The following TLE2 variants were observed in gnomAD, a reference collection of about 807,000 sequenced individuals.
The protein encoded by TLE2 is TLE family member 2, transcriptional corepressor.
TLE2 carries 74 observed loss-of-function variants against 97.2 expected under a neutral mutation model. That is an observed-to-expected ratio of 0.76 (90% confidence interval 0.63 to 0.92). The LOEUF is 0.92. Ranked by LOEUF, TLE2 falls within the 40% of genes least tolerant of loss-of-function variation. The pLI, the probability that TLE2 is intolerant of heterozygous loss-of-function variation, is 0.00. For synonymous variants in TLE2, 499 were observed against 432.1 expected (o/e 1.15, Z -1.92); for missense variants, 1,038 against 1,008.7 (o/e 1.03, Z -0.39).
chr19:3,028,694 G>T lies in TLE2; in HGVS notation c.122+12C>A, dbSNP rs771706784. 1.9e-6 allele frequency: 3 copies of T among 1,612,188 alleles called. No individual in the cohort carries two copies. In the Admixed American group the frequency reaches 5.0e-5, roughly 27 times the overall value. ...GGTGAACTCCCGCGGCCCCTGGGGC[G>T]GCCCCCCTCACCTGTGGTATTGAGC... On this transcript the variant is annotated intron_variant, in intron 2 of 19. Coordinates refer to ENST00000262953, the MANE Select transcript of TLE2 (RefSeq NM_003260.5).
At chr19:3,023,276 C>T (rs953156) in intron 5 of TLE2, among the ~76,000 whole-genome samples, 66,690 of 151,912 alleles carry the variant, frequency 0.44, 14,879 homozygotes, top group African/African-American at 0.5. Context: ...GACCTCATGA[C>T]CCGCACGCCT....
chr19:3,029,561 G>GGAGT (rs1050241432), upstream of TLE2: 5 of 813,032 alleles, frequency 6.1e-6, no homozygotes, highest in African/African-American at 2.0e-5. Context: ...GTGGGAGCGG[G>GGAGT]GGGGGGGGCT....
At chr19:3,005,296 C>G (rs1052977105) in intron 17 of TLE2, 141 bp downstream of exon 17, 14 of 1,192,364 alleles carry the variant, frequency 1.2e-5, no homozygotes, top group Non-Finnish European at 1.6e-5. Flanking sequence ...GTGGATGTGT[C>G]TGGGGGACAA....
At chr19:3,040,137 C>T (rs1301653181) in intron 1 of TLE2, among the ~76,000 whole-genome samples, 4 of 152,102 alleles carry the variant, frequency 2.6e-5, no homozygotes, top group East Asian at 3.9e-4. Context: ...ACCCACACCA[C>T]GTGTAACCCC....
At chr19:3,044,419 C>T (rs879378906) in intron 1 of TLE2, among the ~76,000 whole-genome samples, 3 of 152,116 alleles carry the variant, frequency 2.0e-5, no homozygotes, top group Non-Finnish European at 4.4e-5. Flanking sequence ...TCACTGGCTT[C>T]TCTGCCCTTT....
At chr19:3,018,017 G>A (rs1011026873) in intron 7 of TLE2, among the ~76,000 whole-genome samples, 158 bp from the exon 8 acceptor site, 2 of 151,648 alleles carry the variant, frequency 1.3e-5, no homozygotes, top group Non-Finnish European at 2.9e-5. Flanking sequence ...GCAAGTGGTG[G>A]ATTATCCCTC....
intron 17 of TLE2, among the ~76,000 whole-genome samples, chr19:3,004,470 T>G (rs2089431115): frequency 6.6e-6 from 1 of 152,002 alleles, no homozygotes; most frequent in Non-Finnish European, 1.5e-5. Flanking sequence ...AAACCCTGTC[T>G]CTACCGACAA....
intron 1 of TLE2, among the ~76,000 whole-genome samples, chr19:3,041,859 C>G (rs2090105552): frequency 1.3e-5 from 2 of 152,166 alleles, no homozygotes; most frequent in Non-Finnish European, 1.5e-5. Context: ...CCAGAGAGGC[C>G]TAGGGACCTG....
intron 17 of TLE2, 98 bp downstream of exon 17, chr19:3,005,338 TG>T: frequency 6.8e-7 from 1 of 1,468,566 alleles, no homozygotes. Flanking sequence ...ATGGGAGTCC[TG>T]TCCTGTCCTG....
At chr19:3,014,645 T>C (rs1244592130) in intron 9 of TLE2, 31 bp from the exon 10 acceptor site, 1 of 1,571,680 alleles carries the variant, frequency 6.4e-7, no homozygotes, top group Non-Finnish European at 8.6e-7. Context: ...GAGCTCATTG[T>C]GGTCATGCCC....
At chr19:3,031,851 A>AC (rs1183290658), upstream of TLE2, among the ~76,000 whole-genome samples, 1 of 150,726 alleles carries the variant, frequency 6.6e-6, no homozygotes, top group Non-Finnish European at 1.5e-5. Context: ...GCTTCTGCCC[A>AC]CCCCGTTATT....
At chr19:3,023,360 C>A (rs1351130790) in intron 5 of TLE2, among the ~76,000 whole-genome samples, 3 of 152,032 alleles carry the variant, frequency 2.0e-5, no homozygotes, top group African/African-American at 7.2e-5. Context: ...GCGGCTCTTG[C>A]CTTTCTCTAG....
upstream of TLE2, among the ~76,000 whole-genome samples, chr19:3,046,308 G>A (rs867263489): frequency 1.3e-5 from 2 of 152,238 alleles, no homozygotes; most frequent in East Asian, 1.9e-4. Flanking sequence ...ACAGAGGGAC[G>A]GAGAAGGCTC....
Position 3,028,700 on chromosome 19 carries a change from C to G in TLE2, c.122+6G>C. ...CTCCCGCGGCCCCTGGGGCGGCCCC[C>G]CTCACCTGTGGTATTGAGCCTGAAG... On this transcript the variant is annotated splice_donor_region_variant and intron_variant, in intron 2 of 19. Transcript: ENST00000262953. The G allele has an allele frequency of 6.2e-7, 1 of 1,612,776 alleles. No homozygotes were observed. Among genetic ancestry groups the G allele is most frequent in the Non-Finnish European group, 8.5e-7 (1 of 1,179,780 alleles).
At chr19:3,009,500 G>A in intron 13 of TLE2, 42 bp downstream of exon 13, 3 of 1,547,250 alleles carry the variant, frequency 1.9e-6, no homozygotes, top group Non-Finnish European at 2.6e-6. Flanking sequence ...CCCAGCCCCT[G>A]GGCCCTGCTG....
chr19:3,037,325 G>A (rs2090070267), intron 1 of TLE2, among the ~76,000 whole-genome samples: 1 of 152,154 alleles, frequency 6.6e-6, no homozygotes, highest in African/African-American at 2.4e-5. Flanking sequence ...AAAGATGTTG[G>A]GTTTCGGTAT....
chr19:3,016,891 G>A (rs2089719060), intron 8 of TLE2, among the ~76,000 whole-genome samples: 1 of 150,266 alleles, frequency 6.7e-6, no homozygotes, highest in Non-Finnish European at 1.5e-5. Flanking sequence ...CCATTCTTCT[G>A]CCTCAGCCTC....
In TLE2 at chr19:3,006,639, C is replaced by G; in HGVS notation, c.1281G>C (p.Gly427=). 1 of 1,608,652 alleles carries G rather than the reference C, an allele frequency of 6.2e-7. No individual in the cohort carries two copies. The change falls in exon 15 of 20, where the codon GGG becomes GGC. Residue 427 remains glycine, a synonymous_variant. Coordinates refer to ENST00000262953, the MANE Select transcript of TLE2 (RefSeq NM_003260.5). ...AGGGGAAGGGAACCGGCTGCATCTGCCCGTCCGCAGACACGTGGAAGGAGT... is the reference window on the plus strand; with the variant it reads ...AGGGGAAGGGAACCGGCTGCATCTGGCCGTCCGCAGACACGTGGAAGGAGT... The part of the protein sequence containing the change: ...PAYSFHVSAD[G]QMQPVPFPSD...
chr19:3,017,932 G>C, intron 7 of TLE2, 73 bp from the exon 8 acceptor site: 1 of 1,458,000 alleles, frequency 6.9e-7, no homozygotes, highest in Non-Finnish European at 9.5e-7. Flanking sequence ...GCGCCAGAGG[G>C]TACAGCCCTC....
Sources: allele counts gnomAD v4.1 joint callset (sites outside exome capture counted in the v4.1 genomes callset), GRCh38; gene constraint gnomAD v4.1.1; transcripts MANE v1.5; gene names NCBI Gene and HGNC (gene_info 2026-07-23, HGNC 2026-07-21).